The following ZFAT variants were observed in gnomAD, a reference collection of about 807,000 sequenced individuals.
The protein encoded by ZFAT is zinc finger and AT-hook domain containing.
A neutral mutation model predicts 117.7 loss-of-function variants in ZFAT; 64 were observed. The observed-to-expected ratio is 0.54, with a 90% CI of 0.44 to 0.67. The LOEUF (loss-of-function observed/expected upper bound fraction) is 0.67. Ranked by LOEUF, ZFAT falls within the 30% of genes least tolerant of loss-of-function variation. ZFAT has a pLI of 0.00. For missense variants in ZFAT, 1,433 were observed against 1,584.5 expected (o/e 0.90, Z 1.62); for synonymous variants, 679 against 615.0 (o/e 1.10, Z -1.54).
At chr8:134,510,656 C>G (rs538912439) in intron 14 of ZFAT, 95 of 156,296 alleles carry the variant, frequency 6.1e-4, no homozygotes, top group African/African-American at 2.2e-3. Flanking sequence ...ATGTACCTTG[C>G]AGCCAACCAC....
the ZFAT span, among the ~76,000 whole-genome samples, chr8:134,801,012 T>C: frequency 6.6e-6 from 1 of 152,176 alleles, no homozygotes; most frequent in African/African-American, 2.4e-5. Flanking sequence ...AGCCTTCCTA[T>C]ATCCTTCCCT....
At chr8:134,539,747 T>C (rs1744372057) in intron 11 of ZFAT, among the ~76,000 whole-genome samples, 1 of 152,238 alleles carries the variant, frequency 6.6e-6, no homozygotes, top group Non-Finnish European at 1.5e-5. Context: ...GTGGTGTTTT[T>C]AGAATGCGGA....
chr8:134,537,504 A>G (rs1267894477), intron 11 of ZFAT, among the ~76,000 whole-genome samples: 2 of 152,214 alleles, frequency 1.3e-5, no homozygotes, highest in Admixed American at 6.5e-5. Flanking sequence ...CTGGGCTATC[A>G]TTAGGAGGCA....
At chr8:134,607,659 G>A (rs1002002054) in intron 5 of ZFAT, among the ~76,000 whole-genome samples, 1 of 152,220 alleles carries the variant, frequency 6.6e-6, no homozygotes, top group Non-Finnish European at 1.5e-5. Flanking sequence ...ATTTCATTCT[G>A]AAGCTTATGT....
At chr8:134,780,774 G>A in the ZFAT span, among the ~76,000 whole-genome samples, 1 of 152,170 alleles carries the variant, frequency 6.6e-6, no homozygotes, top group Non-Finnish European at 1.5e-5. Context: ...TGAAAAAAAT[G>A]CAGGACCCAG....
chr8:134,667,966 C>T (rs1418446182), intron 1 of ZFAT, among the ~76,000 whole-genome samples: 5 of 152,186 alleles, frequency 3.3e-5, no homozygotes, highest in South Asian at 2.1e-4. Flanking sequence ...TTATATCCCG[C>T]GCATGGCTCC....
chr8:134,772,495 T>G, the ZFAT span, among the ~76,000 whole-genome samples: 1 of 152,202 alleles, frequency 6.6e-6, no homozygotes, highest in Non-Finnish European at 1.5e-5. Flanking sequence ...TTTTCAATTC[T>G]ATAAAGGCAG....
chr8:134,549,563 A>T (rs2130687265), intron 11 of ZFAT, among the ~76,000 whole-genome samples: 1 of 152,352 alleles, frequency 6.6e-6, no homozygotes, highest in Non-Finnish European at 1.5e-5. Flanking sequence ...CAGCAAGAAG[A>T]ATACTGATCA....
chr8:134,664,338 G>A (rs948164102), intron 1 of ZFAT, among the ~76,000 whole-genome samples: 4 of 152,142 alleles, frequency 2.6e-5, no homozygotes, highest in East Asian at 1.9e-4. Flanking sequence ...CAGGGTCAGC[G>A]CCAGTAAAGA....
chr8:134,800,179 T>C, the ZFAT span, among the ~76,000 whole-genome samples: 41 of 152,280 alleles, frequency 2.7e-4, no homozygotes, highest in Non-Finnish European at 1.0e-4. Context: ...CAGAGCCTTA[T>C]GTCATGTTAG....
intron 9 of ZFAT, among the ~76,000 whole-genome samples, chr8:134,586,663 G>A (rs79913941): frequency 0.029 from 4,342 of 152,222 alleles, 209 homozygotes; most frequent in African/African-American, 0.098. Flanking sequence ...TGTGACCATC[G>A]GCTACGAATG....
chr8:134,782,714 G>A, the ZFAT span, among the ~76,000 whole-genome samples: 396 of 152,104 alleles, frequency 2.6e-3, 1 homozygote, highest in Non-Finnish European at 2.4e-3. Flanking sequence ...CATGCAAGAT[G>A]TGCCTTTTGC....
At chr8:134,653,814 G>T (rs1308037296) in intron 2 of ZFAT, among the ~76,000 whole-genome samples, 3 of 152,082 alleles carry the variant, frequency 2.0e-5, no homozygotes, top group Non-Finnish European at 4.4e-5. Flanking sequence ...TTTTAAGGCT[G>T]CAGAACACAT....
intron 1 of ZFAT, among the ~76,000 whole-genome samples, chr8:134,699,602 G>A (rs367550533): frequency 6.6e-6 from 1 of 152,336 alleles, no homozygotes; most frequent in South Asian, 2.1e-4. Context: ...CCTGAAAAGA[G>A]CACAGTTTGG....
chr8:134,591,809 G>A (rs1826526801), intron 7 of ZFAT, among the ~76,000 whole-genome samples: 1 of 152,186 alleles, frequency 6.6e-6, no homozygotes, highest in Admixed American at 6.5e-5. Context: ...CTGAAGCTCA[G>A]AGAGGCATGG....
chr8:134,720,712 C>T, the ZFAT span, among the ~76,000 whole-genome samples: 5 of 152,324 alleles, frequency 3.3e-5, no homozygotes, highest in Middle Eastern at 3.4e-3. Flanking sequence ...AGAAGAATCC[C>T]GAAGGCAAAT....
intron 11 of ZFAT, among the ~76,000 whole-genome samples, chr8:134,562,122 G>GGA (rs1824096336): frequency 6.6e-6 from 1 of 152,172 alleles, no homozygotes. Context: ...AGTCAGAGAA[G>GGA]GAGACATGGT....
At chr8:134,704,523 G>A (rs1419350418) in intron 1 of ZFAT, among the ~76,000 whole-genome samples, 1 of 152,156 alleles carries the variant, frequency 6.6e-6, no homozygotes, top group Non-Finnish European at 1.5e-5. Context: ...AGCCTGGACT[G>A]CACTAGGACA....
upstream of ZFAT, among the ~76,000 whole-genome samples, chr8:134,713,270 G>T (rs544432210): frequency 6.6e-6 from 1 of 152,362 alleles, no homozygotes; most frequent in Non-Finnish European, 1.5e-5. Flanking sequence ...GGAGTCTGGC[G>T]GTTGTGCCAG....
Sources: allele counts gnomAD v4.1 joint callset (sites outside exome capture counted in the v4.1 genomes callset), GRCh38; gene constraint gnomAD v4.1.1; transcripts MANE v1.5; gene names NCBI Gene and HGNC (gene_info 2026-07-23, HGNC 2026-07-21).